GPR107: variants seen among roughly 807,000 people sequenced by gnomAD.
GPR107 encodes the protein protein GPR107.
GPR107 carries 31 observed loss-of-function variants against 75.5 expected under a neutral mutation model. The ratio of observed to expected loss-of-function variants is 0.41; its 90% CI spans 0.31 to 0.55. The LOEUF (loss-of-function observed/expected upper bound fraction) is 0.55. GPR107 is among the 20% of genes least tolerant of loss of function. The pLI, the probability that GPR107 is intolerant of heterozygous loss-of-function variation, is 0.26. For missense variants in GPR107, 572 were observed against 665.7 expected (o/e 0.86, Z 1.55); for synonymous variants, 267 against 251.3 (o/e 1.06, Z -0.59).
intron 14 of GPR107, among the ~76,000 whole-genome samples, chr9:130,119,660 A>T (rs1242459612): frequency 6.6e-6 from 1 of 152,150 alleles, no homozygotes; most frequent in Non-Finnish European, 1.5e-5. Flanking sequence ...TTACTCCACG[A>T]GTAAGCTCAG....
rs571369539 is a variant in GPR107, at chr9:130,106,324, C to T, written c.1263-1172C>T. 3.9e-4 allele frequency among the ~76,000 whole-genome samples: 59 copies of T among 151,976 alleles called. No individual in the cohort carries two copies. The South Asian group carries it at 6.7e-3, about 17-fold the overall frequency. On this transcript the variant is annotated intron_variant, in intron 13 of 17. Coordinates refer to ENST00000347136, the MANE Select transcript of GPR107 (RefSeq NM_020960.5). ...AGATTAATAATATTTTTAGGCTGGG[C>T]GCGGTGGTTCACGCCTGTAATCCCA...
intron 9 of GPR107, among the ~76,000 whole-genome samples, chr9:130,096,021 C>T (rs969637931): frequency 3.0e-5 from 4 of 135,468 alleles, no homozygotes; most frequent in African/African-American, 1.1e-4. Flanking sequence ...GGTCTGCTTG[C>T]TAGTATGTAT....
rs1250151521 is a variant in GPR107, at chr9:130,137,940, T to C, written c.*2819T>C. The C allele has an allele frequency of 1.3e-5, 2 of 152,270 alleles. No homozygotes were observed. Among genetic ancestry groups the C allele is most frequent in the Non-Finnish European group, 2.9e-5 (2 of 68,042 alleles). 9.4% of individuals were successfully genotyped at this position (152,270 alleles called of 1,614,324 possible). ...GCCTACGCAAAATATCCATGTTTCC[T>C]CTGAGAAATCTGTTGTGGACTGAAA... On this transcript the variant is annotated 3_prime_UTR_variant, in exon 18 of 18. Coordinates refer to ENST00000347136, the MANE Select transcript of GPR107 (RefSeq NM_020960.5).
In GPR107 at chr9:130,121,898, C is replaced by T. The variant is rs7032512; in HGVS notation, c.1307-3017C>T. 4.7e-3 allele frequency among the ~76,000 whole-genome samples: 707 copies of T among 151,200 alleles called. 4 individuals are homozygous for T. Among genetic ancestry groups the T allele is most frequent in the Middle Eastern group, 0.014 (4 of 294 alleles). ...GACTTATTTATTTTTATTTTATTTT[C>T]TTTTTTTTTTGAGGTGGAGTCTCGC... is the stretch of plus-strand genomic sequence containing the variant. On this transcript the variant is annotated intron_variant, in intron 14 of 17. Transcript: ENST00000347136.
At chr9:130,120,688 A>T (rs1005554310) in intron 14 of GPR107, 1 of 152,384 alleles carries the variant, frequency 6.6e-6, no homozygotes, top group African/African-American at 2.4e-5. Context: ...GGGCCTCCGC[A>T]GAGTCAAGGT....
chr9:130,094,940 CAA>C (rs1174327015), intron 9 of GPR107, among the ~76,000 whole-genome samples: 2 of 152,118 alleles, frequency 1.3e-5, no homozygotes, highest in Non-Finnish European at 2.9e-5. Context: ...CTTGGCCTCC[CAA>C]AGTGCTGGGA....
At chr9:130,085,907 C>T (rs1019216426) in intron 6 of GPR107, among the ~76,000 whole-genome samples, 10 of 151,866 alleles carry the variant, frequency 6.6e-5, no homozygotes, top group East Asian at 3.9e-4. Context: ...CGCACCACCA[C>T]GCCTGGCTGA....
intron 15 of GPR107, among the ~76,000 whole-genome samples, chr9:130,126,331 C>T (rs548055013): frequency 6.7e-6 from 1 of 149,848 alleles, no homozygotes; most frequent in African/African-American, 2.5e-5. Flanking sequence ...CTTGAAAGAA[C>T]GTTTCCAAGT....
intron 14 of GPR107, among the ~76,000 whole-genome samples, chr9:130,115,258 T>C (rs2132633136): frequency 6.6e-6 from 1 of 152,320 alleles, no homozygotes; most frequent in South Asian, 2.1e-4. Flanking sequence ...ACCTCTTCTT[T>C]AGATTAATTT....
chr9:130,062,346 G>T (rs1359128437), intron 1 of GPR107, among the ~76,000 whole-genome samples: 2 of 151,616 alleles, frequency 1.3e-5, no homozygotes, highest in Non-Finnish European at 2.9e-5. Context: ...CTGGGAGGCG[G>T]AGGTTGCAGT....
intron 7 of GPR107, among the ~76,000 whole-genome samples, chr9:130,087,438 T>C (rs1331925703): frequency 1.3e-5 from 2 of 151,816 alleles, no homozygotes; most frequent in Non-Finnish European, 2.9e-5. Context: ...AAGGCTGAGG[T>C]AGGCGGATTG....
At chr9:130,126,178 T>A (rs1831677696) in intron 15 of GPR107, among the ~76,000 whole-genome samples, 1 of 152,102 alleles carries the variant, frequency 6.6e-6, no homozygotes, top group South Asian at 2.1e-4. Context: ...ACAGTTTTTT[T>A]AAAACCTAAA....
rs1210640938 is a variant in GPR107 at position 130,137,651 on chromosome 9, TTCTC to T, written c.*2531_*2534del. ...CCTGTTCTGTGAGTGTGTCTTCTCT[TTCTC>T]CTTCACGTCATAGCCGTGACCCACC... On this transcript the variant is annotated 3_prime_UTR_variant, in exon 18 of 18. Transcript: ENST00000347136. 6.6e-6 allele frequency: 1 copy of T among 152,230 alleles called. No homozygotes were observed. The highest frequency in any genetic ancestry group is 6.5e-5 in the Admixed American group (1 of 15,278). The allele number at this position is 152,230 out of a possible 1,614,324, so 9.4% of individuals were successfully genotyped here.
In GPR107 at chr9:130,138,465, CTCCTCT is replaced by C. The variant is rs1216374255; in HGVS notation, c.*3345_*3350del. 7.1e-6 allele frequency: 1 copy of C among 141,270 alleles called. No individual in the cohort carries two copies. 8.8% of individuals were successfully genotyped at this position (141,270 alleles called of 1,614,324 possible). On this transcript the variant is annotated 3_prime_UTR_variant, in exon 18 of 18. Coordinates refer to ENST00000347136, the MANE Select transcript of GPR107 (RefSeq NM_020960.5). The stretch of plus-strand genomic sequence containing the variant: ...CCCCCTTCCCCATCCCCTCCCCCTC[CTCCTCT>C]GCCCTCGCCCTTACCCCTCCCCCTT...
chr9:130,107,287 T>C (rs1199517030), intron 13 of GPR107, among the ~76,000 whole-genome samples: 1 of 152,070 alleles, frequency 6.6e-6, no homozygotes, highest in African/African-American at 2.4e-5. Flanking sequence ...TTGCCACAGA[T>C]TTGGCCAGCA....
At chr9:130,081,841 G>GTGAGA (rs1456564929) in intron 5 of GPR107, among the ~76,000 whole-genome samples, 2 of 152,210 alleles carry the variant, frequency 1.3e-5, no homozygotes, top group East Asian at 3.9e-4. Flanking sequence ...GGGTGACAGA[G>GTGAGA]TGAGAGCCTG....
chr9:130,100,709 A>AT lies in GPR107; in HGVS notation c.1013+8dup. On this transcript the variant is annotated splice_region_variant and intron_variant, in intron 11 of 17. Coordinates refer to ENST00000347136, the MANE Select transcript of GPR107 (RefSeq NM_020960.5). ...TGTACTACATAACTCACCTGTAAGTATGCAGGTCCATGTGAAATACACCAT... is the reference window on the plus strand; with the variant it reads ...TGTACTACATAACTCACCTGTAAGTATTGCAGGTCCATGTGAAATACACCAT... 6.3e-7 allele frequency: 1 copy of AT among 1,577,252 alleles called. No homozygotes were observed. Among genetic ancestry groups the AT allele is most frequent in the Non-Finnish European group, 8.7e-7 (1 of 1,146,322 alleles).
chr9:130,053,925 G>A lies in GPR107; in HGVS notation c.-8G>A, dbSNP rs1366522892. 6.4e-7 allele frequency: 1 copy of A among 1,557,792 alleles called. No individual in the cohort carries two copies. Among genetic ancestry groups the A allele is most frequent in the Admixed American group, 1.9e-5 (1 of 52,236 alleles). On this transcript the variant is annotated 5_prime_UTR_variant, in exon 1 of 18. Transcript: ENST00000347136. The stretch of plus-strand genomic sequence containing the variant: ...GGAGAGGAAGCGGCTGGTGATGCTG[G>A]AACAAACATGGCCGCTCTGGCGCCC...
At chr9:130,123,931 G>T (rs569731111) in intron 14 of GPR107, among the ~76,000 whole-genome samples, 1 of 152,324 alleles carries the variant, frequency 6.6e-6, no homozygotes, top group South Asian at 2.1e-4. Flanking sequence ...CCCAGAGGCA[G>T]GTGTTGTATC....
Sources: gnomAD v4.1 joint callset for allele counts (sites outside exome capture counted in the v4.1 genomes callset) on GRCh38, gnomAD v4.1.1 for gene constraint, MANE v1.5 for transcripts, NCBI Gene and HGNC (gene_info 2026-07-23, HGNC 2026-07-21) for gene names.